Variants in FGF13 observed in about 807,000 individuals in gnomAD.
The protein encoded by FGF13 is fibroblast growth factor homologous factor 2.
FGF13 carries 2 observed loss-of-function variants against 19.5 expected under a neutral mutation model. The observed-to-expected ratio is 0.10, with a 90% confidence interval of 0.04 to 0.32. The LOEUF is 0.32. Among genes scored for constraint, FGF13 ranks in the 10% least tolerant of loss-of-function variants. FGF13 has a pLI of 1.00. For missense variants in FGF13, 113 were observed against 192.7 expected, an observed-to-expected ratio of 0.59 and a Z score of 2.45; for synonymous variants, 72 against 76.9, an observed-to-expected ratio of 0.94 and a Z score of 0.33.
chrX:138,818,110 A>G (rs2090973551), intron 3 of FGF13, among the ~76,000 whole-genome samples: 1 of 111,363 alleles, frequency 9.0e-6, no homozygotes, highest in Admixed American at 9.6e-5. Context: ...AAGGTACTCA[A>G]TAATCGACTG....
chrX:139,013,708 A>AT (rs1349703282), intron 1 of FGF13, among the ~76,000 whole-genome samples: 1 of 107,165 alleles, frequency 9.3e-6, no homozygotes, highest in African/African-American at 3.4e-5. Flanking sequence ...TACAAATGAC[A>AT]TATTGGACTT....
At chrX:138,733,730 C>T (rs1011815521) in intron 1 of FGF13, among the ~76,000 whole-genome samples, 1 of 111,226 alleles carries the variant, frequency 9.0e-6, no homozygotes, top group Non-Finnish European at 1.9e-5. Flanking sequence ...GTAGTTGACA[C>T]TTAACAAACG....
At chrX:138,777,137 T>G (rs1451065710) in intron 3 of FGF13, among the ~76,000 whole-genome samples, 1 of 111,566 alleles carries the variant, frequency 9.0e-6, no homozygotes, top group Admixed American at 9.5e-5. Flanking sequence ...GCTTCTTTAC[T>G]GGATCAAATG....
At chrX:138,957,372 A>T (rs753769446) in intron 1 of FGF13, among the ~76,000 whole-genome samples, 2 of 112,104 alleles carry the variant, frequency 1.8e-5, no homozygotes, top group Non-Finnish European at 3.8e-5. Context: ...TTTACTTTTC[A>T]TCTCCAAATC....
At position 138,711,623 on chromosome X, in the gene FGF13, T is replaced by C; in HGVS notation, c.-620A>G. The C allele has an allele frequency of 1.3e-6, 1 of 754,559 alleles. No homozygotes were observed. The highest frequency in any genetic ancestry group is 1.5e-4 in the East Asian group (1 of 6,606). 62.2% of individuals were successfully genotyped at this position (754,559 alleles called of 1,213,427 possible). A position where few individuals can be genotyped will look rare whatever the true frequency, so the allele number is the denominator to read the frequency against. The stretch of plus-strand genomic sequence containing the variant: ...TTTCCGACAGGGATCAAACAGGTAA[T>C]GGCCTCGCATCTTCGCTGTTGCTGC... On this transcript the variant is annotated 5_prime_UTR_variant, in exon 1 of 5. Coordinates refer to ENST00000315930, the MANE Select transcript of FGF13 (RefSeq NM_004114.5).
intron 1 of FGF13, among the ~76,000 whole-genome samples, chrX:139,183,092 C>T (rs923596067): frequency 8.9e-6 from 1 of 111,774 alleles, no homozygotes; most frequent in Admixed American, 9.5e-5. Flanking sequence ...GGCAAATCTG[C>T]AGCCCCTTAC....
At chrX:138,744,703 G>A (rs1218579016) in intron 3 of FGF13, among the ~76,000 whole-genome samples, 1 of 111,259 alleles carries the variant, frequency 9.0e-6, no homozygotes. Context: ...GTCATGTGCA[G>A]GAGTTATAAA....
chrX:139,066,935 G>C (rs765698648), intron 1 of FGF13, among the ~76,000 whole-genome samples: 1 of 111,276 alleles, frequency 9.0e-6, no homozygotes, highest in South Asian at 3.8e-4. Context: ...TATCCATCAC[G>C]ATCAAGTCGG....
intron 3 of FGF13, among the ~76,000 whole-genome samples, chrX:138,669,601 C>T (rs1484278624): frequency 3.6e-5 from 4 of 111,221 alleles, no homozygotes; most frequent in African/African-American, 1.3e-4. Flanking sequence ...ATGCAGTCTA[C>T]ATGTCAGTTG....
intron 3 of FGF13, among the ~76,000 whole-genome samples, chrX:138,677,080 A>T (rs770774872): frequency 1.8e-5 from 2 of 112,229 alleles, no homozygotes; most frequent in South Asian, 7.4e-4. Context: ...TTTCACAGAG[A>T]TTTTCATATT....
At chrX:138,641,170 A>G (rs1485443773) in intron 3 of FGF13, among the ~76,000 whole-genome samples, 1 of 112,607 alleles carries the variant, frequency 8.9e-6, no homozygotes, top group East Asian at 2.8e-4. Context: ...TTAAAGCAAG[A>G]ACCATAGAAC....
intron 1 of FGF13, among the ~76,000 whole-genome samples, chrX:139,121,608 G>T (rs1408066466): frequency 9.0e-6 from 1 of 110,709 alleles, no homozygotes; most frequent in Admixed American, 9.6e-5. Context: ...GCTTAGGCTG[G>T]TCTCAAACTC....
chrX:139,160,539 C>T (rs73243313), intron 1 of FGF13, among the ~76,000 whole-genome samples: 7,371 of 110,991 alleles, frequency 0.066, 220 homozygotes, highest in Non-Finnish European at 0.094. Context: ...TTAAAAAAAT[C>T]AAGGAATCCA....
In FGF13 at chrX:138,630,077, T is replaced by C. The variant is rs188661711; in HGVS notation, c.*2773A>G. 15 of 111,056 alleles carry C rather than the reference T, an allele frequency of 1.4e-4. No individual in the cohort carries two copies. In the East Asian group the frequency reaches 4.3e-3, roughly 32 times the overall value. The allele number at this position is 111,056 out of a possible 1,213,427, so 9.2% of individuals were successfully genotyped here. ...TAATGAAGATGTGTGAAAGTATTGATATCATCACTTGTAGGAAGGTTTGAG... is the reference window on the plus strand; with the variant it reads ...TAATGAAGATGTGTGAAAGTATTGACATCATCACTTGTAGGAAGGTTTGAG... On this transcript the variant is annotated 3_prime_UTR_variant, in exon 5 of 5. Transcript: ENST00000315930.
intron 1 of FGF13, among the ~76,000 whole-genome samples, chrX:138,917,955 T>C (rs1207714972): frequency 9.0e-6 from 1 of 111,569 alleles, no homozygotes; most frequent in Non-Finnish European, 1.9e-5. Context: ...TCCTGAGTTA[T>C]GATGAATCTG....
At chrX:139,086,091 T>A (rs747279335) in intron 1 of FGF13, among the ~76,000 whole-genome samples, 60 of 112,368 alleles carry the variant, frequency 5.3e-4, no homozygotes, top group African/African-American at 1.8e-3. Context: ...TTGAACTTAG[T>A]TGAAAAACTT....
intron 1 of FGF13, among the ~76,000 whole-genome samples, chrX:138,720,081 A>T: frequency 8.9e-6 from 1 of 112,813 alleles, no homozygotes; most frequent in South Asian, 3.6e-4. Context: ...TAATAGCTCT[A>T]ATGTATTGAG....
chrX:138,926,061 T>C (rs751335918), intron 1 of FGF13, among the ~76,000 whole-genome samples: 5 of 111,578 alleles, frequency 4.5e-5, no homozygotes, highest in Non-Finnish European at 9.4e-5. Context: ...AGTCTCCCCA[T>C]GATTTTCTCC....
intron 1 of FGF13, among the ~76,000 whole-genome samples, chrX:138,723,444 A>G (rs2090161644): frequency 9.0e-6 from 1 of 110,939 alleles, no homozygotes; most frequent in East Asian, 2.9e-4. Flanking sequence ...TGCCATGGAG[A>G]TTTATATCAA....
Sources: allele counts gnomAD v4.1 joint callset (sites outside exome capture counted in the v4.1 genomes callset), GRCh38; gene constraint gnomAD v4.1.1; transcripts MANE v1.5; gene names NCBI Gene and HGNC (gene_info 2026-07-23, HGNC 2026-07-21).